The following NAALADL2 variants were observed in gnomAD, a reference collection of about 807,000 sequenced individuals.
The protein encoded by NAALADL2 is inactive N-acetylated-alpha-linked acidic dipeptidase-like protein 2.
Under a neutral mutation model 87.2 loss-of-function variants are expected in NAALADL2, and 76 were observed. The ratio of observed to expected loss-of-function variants is 0.87; its 90% CI spans 0.72 to 1.05. The LOEUF is 1.05. NAALADL2 is among the 50% of genes least tolerant of loss of function. NAALADL2 has a pLI of 0.00. For missense variants in NAALADL2, 1,089 were observed against 945.8 expected, an observed-to-expected ratio of 1.15 and a Z score of -1.99; for synonymous variants, 354 against 331.0, an observed-to-expected ratio of 1.07 and a Z score of -0.75.
chr3:175,352,557 G>A (rs1011878233), intron 5 of NAALADL2, among the ~76,000 whole-genome samples: 8 of 152,232 alleles, frequency 5.3e-5, no homozygotes, highest in African/African-American at 1.9e-4. Flanking sequence ...CCAATCATAG[G>A]ATATAAGGTG....
chr3:175,031,101 A>T (rs1752747612), intron 1 of NAALADL2, among the ~76,000 whole-genome samples: 1 of 152,030 alleles, frequency 6.6e-6, no homozygotes, highest in African/African-American at 2.4e-5. Flanking sequence ...AACATTAACC[A>T]ACTATAACTT....
chr3:174,718,268 T>C (rs1474294031), intron 2 of NAALADL2, among the ~76,000 whole-genome samples: 1 of 152,250 alleles, frequency 6.6e-6, no homozygotes, highest in Non-Finnish European at 1.5e-5. Flanking sequence ...CACATATTAT[T>C]TAAATGTTTA....
chr3:175,417,413 C>T (rs1714842254), intron 5 of NAALADL2, among the ~76,000 whole-genome samples: 1 of 151,970 alleles, frequency 6.6e-6, no homozygotes, highest in Non-Finnish European at 1.5e-5. Flanking sequence ...TAATACTCAT[C>T]ATCATAATGC....
rs561551354 is a variant in NAALADL2 at position 174,835,655 on chromosome 3, CAG to C, written c.-9+97911_-9+97912del. 5.5e-3 allele frequency among the ~76,000 whole-genome samples: 831 copies of C among 152,132 alleles called. 9 individuals carry two copies. Among genetic ancestry groups the C allele is most frequent in the Non-Finnish European group, 9.0e-3 (613 of 67,946 alleles). Reference sequence around the variant, plus strand: ...ATAAACAACTTCTCCAACTCAAAAACAGAAAACTAAACAATCTGATTTTTTAA... The same window carrying C: ...ATAAACAACTTCTCCAACTCAAAAACAAAACTAAACAATCTGATTTTTTAA... On this transcript the variant is annotated intron_variant, in intron 3 of 3. Transcript: ENST00000434257.
chr3:175,537,388 A>G (rs1734963711), intron 9 of NAALADL2, among the ~76,000 whole-genome samples: 1 of 152,242 alleles, frequency 6.6e-6, no homozygotes, highest in South Asian at 2.1e-4. Flanking sequence ...ATGAGGGAAG[A>G]GCAGAGATTG....
chr3:174,722,350 T>G (rs79439723), intron 2 of NAALADL2, among the ~76,000 whole-genome samples: 4,643 of 152,316 alleles, frequency 0.03, 254 homozygotes, highest in African/African-American at 0.11. Flanking sequence ...GAACTTGAAC[T>G]TTTTAAAATA....
intron 4 of NAALADL2, among the ~76,000 whole-genome samples, chr3:175,259,660 C>T (rs1197171396): frequency 6.6e-6 from 1 of 152,164 alleles, no homozygotes; most frequent in African/African-American, 2.4e-5. Flanking sequence ...TTATATTTTG[C>T]ATTTCTAAAT....
In NAALADL2 at chr3:175,802,319, A is replaced by AT. The variant is rs200186887; in HGVS notation, c.2190-677dup. On this transcript the variant is annotated intron_variant, in intron 13 of 13. Transcript: ENST00000454872. ...TAGTAAGGTCTATGCTTTGTGATTG[A>AT]TTTTTTTTTGGGGGGGGACAATTTT... Among the ~76,000 whole-genome samples the AT allele has an allele frequency of 5.0e-4, 71 of 143,262 alleles. 3 individuals are homozygous for AT. The South Asian group carries it at 8.5e-3, about 17-fold the overall frequency. 94.0% of individuals were successfully genotyped at this position (143,262 alleles called of 152,430 possible). A position where few individuals can be genotyped will look rare whatever the true frequency, so the allele number is the denominator to read the frequency against.
At chr3:175,251,760 A>G (rs1749109222) in intron 3 of NAALADL2, among the ~76,000 whole-genome samples, 1 of 152,212 alleles carries the variant, frequency 6.6e-6, no homozygotes, top group African/African-American at 2.4e-5. Flanking sequence ...GTTTGCTTGA[A>G]AGTCTATAGA....
At chr3:174,474,987 T>A (rs1029812437) in intron 1 of NAALADL2, among the ~76,000 whole-genome samples, 2 of 151,986 alleles carry the variant, frequency 1.3e-5, no homozygotes, top group Non-Finnish European at 2.9e-5. Flanking sequence ...TATAATAATA[T>A]AAAGCTATTT....
At chr3:175,749,182 GA>G (rs1746308979) in intron 12 of NAALADL2, among the ~76,000 whole-genome samples, 1 of 97,896 alleles carries the variant, frequency 1.0e-5, no homozygotes, top group Admixed American at 1.0e-4. Context: ...GAGGAGAAGG[GA>G]GAGGAGGGGA....
At chr3:175,096,546 T>G (rs1029501523) in intron 1 of NAALADL2, among the ~76,000 whole-genome samples, 1 of 149,986 alleles carries the variant, frequency 6.7e-6, no homozygotes, top group African/African-American at 2.5e-5. Flanking sequence ...GTAATTTTGT[T>G]TTCTCATAGC....
At chr3:175,324,096 A>G (rs1581423695) in intron 4 of NAALADL2, 79 bp from the exon 5 acceptor site, 1 of 1,055,268 alleles carries the variant, frequency 9.5e-7, no homozygotes, top group East Asian at 2.7e-5. Context: ...ATCTTATCAT[A>G]GCCACATTGG....
chr3:175,111,539 C>G (rs967962609), intron 2 of NAALADL2, among the ~76,000 whole-genome samples: 2 of 151,670 alleles, frequency 1.3e-5, no homozygotes, highest in Non-Finnish European at 3.0e-5. Flanking sequence ...AACTTACGAT[C>G]TTTTTCAGAT....
intron 1 of NAALADL2, among the ~76,000 whole-genome samples, chr3:174,454,894 A>G (rs1167839405): frequency 1.3e-5 from 2 of 152,104 alleles, no homozygotes; most frequent in Non-Finnish European, 2.9e-5. Flanking sequence ...TCAGAGCTGA[A>G]CTGAAGGAGA....
chr3:174,963,202 G>A (rs577396615), intron 1 of NAALADL2, among the ~76,000 whole-genome samples: 1 of 152,140 alleles, frequency 6.6e-6, no homozygotes, highest in Non-Finnish European at 1.5e-5. Flanking sequence ...ACAACTGAAG[G>A]TATTAGAAAA....
chr3:175,448,720 AT>A (rs1175334209), intron 6 of NAALADL2, among the ~76,000 whole-genome samples: 1 of 152,028 alleles, frequency 6.6e-6, no homozygotes, highest in Admixed American at 6.6e-5. Flanking sequence ...TATGTTATAT[AT>A]TTTTTGAGAC....
intron 1 of NAALADL2, among the ~76,000 whole-genome samples, chr3:174,485,452 C>A (rs987267835): frequency 4.6e-5 from 7 of 151,696 alleles, no homozygotes; most frequent in African/African-American, 1.5e-4. Flanking sequence ...TCCACCCACC[C>A]CCCTCTCTCT....
At chr3:175,260,149 T>G (rs1750765442) in intron 4 of NAALADL2, among the ~76,000 whole-genome samples, 1 of 152,192 alleles carries the variant, frequency 6.6e-6, no homozygotes, top group South Asian at 2.1e-4. Context: ...TATAAAACCC[T>G]TTGACTATAT....
Sources: allele counts gnomAD v4.1 joint callset (sites outside exome capture counted in the v4.1 genomes callset), GRCh38; gene constraint gnomAD v4.1.1; transcripts MANE v1.5; gene names NCBI Gene and HGNC (gene_info 2026-07-23, HGNC 2026-07-21).